Variants in CTNNA1 observed in about 807,000 individuals in gnomAD.
CTNNA1 encodes the protein catenin alpha-1.
CTNNA1 carries 37 observed loss-of-function variants against 98.4 expected under a neutral mutation model. That is an observed-to-expected ratio of 0.38 (90% CI 0.29 to 0.49). CTNNA1 has a LOEUF of 0.49. Ranked by LOEUF, CTNNA1 falls within the 20% of genes least tolerant of loss-of-function variation. CTNNA1 has a pLI of 0.95. For missense variants in CTNNA1, 761 were observed against 1,147.2 expected, an observed-to-expected ratio of 0.66 and a Z score of 4.86; for synonymous variants, 404 against 413.2, an observed-to-expected ratio of 0.98 and a Z score of 0.27.
chr5:138,902,671 G>A (rs1047868905), intron 9 of CTNNA1, among the ~76,000 whole-genome samples: 12 of 152,102 alleles, frequency 7.9e-5, no homozygotes, highest in Non-Finnish European at 1.5e-4. Context: ...CGCCCGCCTC[G>A]GCCTCCCAAA....
intron 3 of CTNNA1, among the ~76,000 whole-genome samples, chr5:138,799,643 A>C (rs899422085): frequency 3.3e-5 from 5 of 150,488 alleles, no homozygotes; most frequent in Admixed American, 2.6e-4. Flanking sequence ...TTTTTTTGTA[A>C]GGATGACCAT....
chr5:138,874,605 A>G lies in CTNNA1; in HGVS notation c.1063-11607A>G. On this transcript the variant is annotated intron_variant, in intron 7 of 17. Coordinates refer to ENST00000302763, the MANE Select transcript of CTNNA1 (RefSeq NM_001903.5). This position sits in a 1 kb window ranked among gnomAD's most constrained non-coding sequence, Gnocchi z 4.1. ...ACAAGAAGATAGGATATTTTTCAGCAGAACATATGGGCTATTTAAAAAAAA... is the reference window on the plus strand; with the variant it reads ...ACAAGAAGATAGGATATTTTTCAGCGGAACATATGGGCTATTTAAAAAAAA... The G allele has an allele frequency of 3.4e-6, 4 of 1,170,320 alleles. No individual in the cohort carries two copies. The highest frequency in any genetic ancestry group is 4.8e-6 in the Non-Finnish European group (4 of 841,558). 72.5% of individuals were successfully genotyped at this position (1,170,320 alleles called of 1,614,324 possible).
chr5:138,827,588 G>C lies in CTNNA1; in HGVS notation c.932G>C (p.Ser311Thr), dbSNP rs746761844. ...CCTTCCCTGGAGGAGCGTCTGGAAA[G>C]CATCATTAGTGGGGCTGCCTTGATG... ...FRPSLEERLE[S>T]IISGAALMAD... Residue 311 changes from serine (S) to threonine (T), a missense_variant, in exon 7 of 18, where the codon AGC becomes ACC. Coordinates refer to ENST00000302763, the MANE Select transcript of CTNNA1 (RefSeq NM_001903.5). 1 of 1,614,244 alleles carries C rather than the reference G, an allele frequency of 6.2e-7. No homozygotes were observed. Among genetic ancestry groups the C allele is most frequent in the Non-Finnish European group, 8.5e-7 (1 of 1,180,042 alleles).
At chr5:138,867,343 G>T (rs1198046582) in intron 7 of CTNNA1, among the ~76,000 whole-genome samples, 4 of 152,166 alleles carry the variant, frequency 2.6e-5, no homozygotes, top group African/African-American at 9.7e-5. Flanking sequence ...CTGCTATGGG[G>T]CTGTGGTGCT....
intron 1 of CTNNA1, among the ~76,000 whole-genome samples, chr5:138,758,763 A>G (rs1751997158): frequency 6.6e-6 from 1 of 151,326 alleles, no homozygotes; most frequent in South Asian, 2.1e-4. Flanking sequence ...AGTTGTTTTA[A>G]TGTCTTTGTC....
At chr5:138,859,095 C>A (rs1161987597) in intron 7 of CTNNA1, among the ~76,000 whole-genome samples, 1 of 152,204 alleles carries the variant, frequency 6.6e-6, no homozygotes, top group African/African-American at 2.4e-5. Flanking sequence ...TTGTAGTCAT[C>A]ATTCTGAATT....
At chr5:138,798,664 T>C (rs1757225455) in intron 3 of CTNNA1, among the ~76,000 whole-genome samples, 1 of 152,242 alleles carries the variant, frequency 6.6e-6, no homozygotes, top group Non-Finnish European at 1.5e-5. Flanking sequence ...TTGTTTACTT[T>C]ATAATTGCCC....
chr5:138,860,496 G>GT (rs113854507), intron 7 of CTNNA1, among the ~76,000 whole-genome samples: 24 of 150,232 alleles, frequency 1.6e-4, no homozygotes, highest in Admixed American at 1.4e-3. Flanking sequence ...GGTTTTTTTT[G>GT]TTTGTTTTGT....
intron 7 of CTNNA1, among the ~76,000 whole-genome samples, chr5:138,857,192 T>C (rs1481889275): frequency 6.6e-6 from 1 of 152,216 alleles, no homozygotes; most frequent in Non-Finnish European, 1.5e-5. Flanking sequence ...CAAGAAAAAT[T>C]GCCAGAATAC....
At chr5:138,922,693 G>A (rs1462713933) in intron 11 of CTNNA1, among the ~76,000 whole-genome samples, 2 of 152,100 alleles carry the variant, frequency 1.3e-5, no homozygotes, top group African/African-American at 2.4e-5. Context: ...CAGTGGACTC[G>A]CACCTCCCCC....
chr5:138,828,007 T>G (rs2149786795), intron 7 of CTNNA1: 1 of 343,230 alleles, frequency 2.9e-6, no homozygotes, highest in Non-Finnish European at 5.2e-6. Context: ...TGTGTATATA[T>G]AAATGTATAT....
rs1289436909 is a variant in CTNNA1 at position 138,880,065 on chromosome 5, C to G, written c.1063-6147C>G. On this transcript the variant is annotated intron_variant, in intron 7 of 17. Coordinates refer to ENST00000302763, the MANE Select transcript of CTNNA1 (RefSeq NM_001903.5). ...TGGGCATTAGGTTATGGAAGGTCTT[C>G]CATAGAAGTTTGGACAGATGAACGT... 4 of 152,166 alleles carry G rather than the reference C, an allele frequency of 2.6e-5. No homozygotes were observed. In the East Asian group the frequency reaches 7.7e-4, roughly 29 times the overall value. The allele number at this position is 152,166 out of a possible 1,614,324, so 9.4% of individuals were successfully genotyped here.
At chr5:138,809,119 A>G (rs139633367) in intron 3 of CTNNA1, among the ~76,000 whole-genome samples, 1 of 152,166 alleles carries the variant, frequency 6.6e-6, no homozygotes, top group South Asian at 2.1e-4. Context: ...CAAAGCGCCG[A>G]GATTGCTGGT....
intron 1 of CTNNA1, among the ~76,000 whole-genome samples, chr5:138,761,046 C>T (rs1259173448): frequency 1.3e-5 from 2 of 152,226 alleles, no homozygotes; most frequent in Non-Finnish European, 2.9e-5. Flanking sequence ...TGTTAGGGAT[C>T]TGCCTTGTCA....
chr5:138,890,281 A>G (rs1352204162), intron 9 of CTNNA1, among the ~76,000 whole-genome samples: 1 of 152,144 alleles, frequency 6.6e-6, no homozygotes, highest in Non-Finnish European at 1.5e-5. Flanking sequence ...ATACTGCAAT[A>G]CAGTTCTGAT....
intron 3 of CTNNA1, among the ~76,000 whole-genome samples, chr5:138,799,061 G>T (rs139843360): frequency 6.6e-6 from 1 of 151,836 alleles, no homozygotes; most frequent in East Asian, 1.9e-4. Flanking sequence ...GCTAATTTTT[G>T]TATTATTATT....
chr5:138,900,856 C>A (rs936222592), intron 9 of CTNNA1, among the ~76,000 whole-genome samples: 1 of 152,244 alleles, frequency 6.6e-6, no homozygotes, highest in Middle Eastern at 3.4e-3. Context: ...CCTGCTCTTC[C>A]GCAAGGTCCA....
intron 1 of CTNNA1, among the ~76,000 whole-genome samples, chr5:138,765,496 C>T (rs2149589693): frequency 6.6e-6 from 1 of 152,260 alleles, no homozygotes; most frequent in East Asian, 1.9e-4. Flanking sequence ...TGCTGTATCT[C>T]AATTGCATCA....
At chr5:138,761,370 G>A (rs1744193822) in intron 1 of CTNNA1, among the ~76,000 whole-genome samples, 2 of 152,088 alleles carry the variant, frequency 1.3e-5, no homozygotes, top group African/African-American at 4.8e-5. Context: ...GAGTAGCTGG[G>A]ATTTGCAAGC....
Sources: allele counts gnomAD v4.1 joint callset (sites outside exome capture counted in the v4.1 genomes callset), GRCh38; gene constraint gnomAD v4.1.1; non-coding constraint Gnocchi (gnomAD v3.1); transcripts MANE v1.5; gene names NCBI Gene and HGNC (gene_info 2026-07-23, HGNC 2026-07-21).